Variants in CRACD observed in about 807,000 individuals in gnomAD.
The protein encoded by CRACD is capping protein-inhibiting regulator of actin dynamics.
CRACD carries 56 observed loss-of-function variants against 106.8 expected under a neutral mutation model. That is an observed-to-expected ratio of 0.52 (90% CI 0.42 to 0.66). The LOEUF (loss-of-function observed/expected upper bound fraction) is 0.66, where lower values mean the gene tolerates loss of function less well. Ranked by LOEUF, CRACD falls within the 30% of genes least tolerant of loss-of-function variation. The pLI, the probability that CRACD is intolerant of heterozygous loss-of-function variation, is 0.00. For missense variants in CRACD, 1,730 were observed against 1,623.2 expected, an observed-to-expected ratio of 1.07 and a Z score of -1.13; for synonymous variants, 754 against 670.8, an observed-to-expected ratio of 1.12 and a Z score of -1.92.
At chr4:56,076,298 G>A (rs1293544435) in intron 1 of CRACD, among the ~76,000 whole-genome samples, 1 of 152,166 alleles carries the variant, frequency 6.6e-6, no homozygotes, top group East Asian at 1.9e-4. Context: ...CATTTCTGTT[G>A]TTGAAGCTTC....
At chr4:56,290,563 A>G (rs1743646539) in intron 3 of CRACD, among the ~76,000 whole-genome samples, 1 of 152,212 alleles carries the variant, frequency 6.6e-6, no homozygotes, top group Admixed American at 6.5e-5. Context: ...AGATAACTGC[A>G]GGAGGCAGTG....
chr4:56,250,051 GC>G (rs1360223645), intron 2 of CRACD, among the ~76,000 whole-genome samples: 3 of 152,186 alleles, frequency 2.0e-5, no homozygotes, highest in Middle Eastern at 6.8e-3. Flanking sequence ...AATCTGAATT[GC>G]CCTGTAAAAT....
Position 56,327,667 on chromosome 4 carries a change from C to T in CRACD, c.3565C>T (p.Pro1189Ser), listed in dbSNP as rs1007904740. The T allele has an allele frequency of 9.3e-6, 15 of 1,607,082 alleles. 1 individual carries two copies. In the Admixed American group the frequency reaches 2.4e-4, roughly 25 times the overall value. ...VTVEISDSAP[P>S]APLVKEVTKR... ...AGTGGAGATCTCCGACTCGGCTCCC[C>T]CAGCGCCGCTGGTAAAAGAAGTCAC... The change falls in exon 11 of 11, where the codon CCA (proline) becomes TCA (serine). Residue 1189 changes from proline (P) to serine (S), a missense_variant. Physicochemically the swap from Pro to Ser is moderately conservative, Grantham distance 74. Transcript: ENST00000682029.
At chr4:56,304,536 G>A (rs1489159912) in intron 4 of CRACD, among the ~76,000 whole-genome samples, 3 of 152,048 alleles carry the variant, frequency 2.0e-5, no homozygotes, top group Non-Finnish European at 4.4e-5. Context: ...CCAGCACTTC[G>A]GGAGGCGGAG....
intron 1 of CRACD, among the ~76,000 whole-genome samples, chr4:56,106,326 G>C (rs897840663): frequency 2.0e-5 from 3 of 152,220 alleles, no homozygotes; most frequent in African/African-American, 7.2e-5. Flanking sequence ...GTAAACAACT[G>C]AAAGAGCACA....
At chr4:56,197,672 T>G (rs1737672193) in intron 2 of CRACD, among the ~76,000 whole-genome samples, 2 of 152,040 alleles carry the variant, frequency 1.3e-5, no homozygotes, top group Admixed American at 1.3e-4. Context: ...TATTTCCTTG[T>G]TGTGCAGGGT....
At chr4:56,202,552 A>G (rs1737933732) in intron 2 of CRACD, among the ~76,000 whole-genome samples, 1 of 152,152 alleles carries the variant, frequency 6.6e-6, no homozygotes, top group African/African-American at 2.4e-5. Context: ...CAGCATCAGC[A>G]ACATTCTTAA....
intron 1 of CRACD, among the ~76,000 whole-genome samples, chr4:56,137,371 G>A (rs964574519): frequency 3.9e-5 from 6 of 151,980 alleles, no homozygotes; most frequent in African/African-American, 7.3e-5. Context: ...ATTGTTATGC[G>A]GCTCATGAGT....
chr4:56,148,026 AG>A (rs1332107233), intron 1 of CRACD, among the ~76,000 whole-genome samples: 1 of 152,198 alleles, frequency 6.6e-6, no homozygotes. Flanking sequence ...CACAGGGAAA[AG>A]GCCATGTGAA....
chr4:56,214,671 CTCTCTCTCTCTA>C (rs1187687674), intron 2 of CRACD, among the ~76,000 whole-genome samples: 4 of 73,332 alleles, frequency 5.5e-5, no homozygotes, highest in Non-Finnish European at 1.1e-4. Context: ...CTCTCTCTCT[CTCTCTCTCTCTA>C]TATATATATA....
chr4:56,113,401 C>T (rs145344756), intron 1 of CRACD, among the ~76,000 whole-genome samples: 1 of 152,016 alleles, frequency 6.6e-6, no homozygotes, highest in Admixed American at 6.6e-5. Flanking sequence ...AGTCTTTTTC[C>T]TAGTTTGCAA....
At chr4:56,177,013 A>G (rs1013588060) in intron 1 of CRACD, among the ~76,000 whole-genome samples, 3 of 152,186 alleles carry the variant, frequency 2.0e-5, no homozygotes, top group South Asian at 2.1e-4. Context: ...AACAAGTACA[A>G]TTTGACTTCT....
chr4:56,106,164 A>AG (rs113389772), intron 1 of CRACD, among the ~76,000 whole-genome samples: 34,934 of 152,094 alleles, frequency 0.23, 4,722 homozygotes, highest in African/African-American at 0.36. Context: ...TGGATGAGGC[A>AG]ACTGTACTTG....
At chr4:56,241,860 C>T (rs552589051) in intron 2 of CRACD, among the ~76,000 whole-genome samples, 38 of 152,216 alleles carry the variant, frequency 2.5e-4, no homozygotes, top group African/African-American at 8.4e-4. Context: ...AACTGAAGGG[C>T]GTGTTCTATG....
intron 3 of CRACD, among the ~76,000 whole-genome samples, chr4:56,279,604 A>G (rs1742897869): frequency 6.6e-6 from 1 of 152,328 alleles, no homozygotes; most frequent in East Asian, 1.9e-4. Context: ...ATACCATCTC[A>G]CACCAGTTAG....
At chr4:56,266,168 G>T (rs967544609) in intron 2 of CRACD, among the ~76,000 whole-genome samples, 2 of 152,064 alleles carry the variant, frequency 1.3e-5, no homozygotes, top group Non-Finnish European at 2.9e-5. Context: ...AAGCAGTATA[G>T]ATGCATATGT....
chr4:56,211,741 A>C (rs1480780324), intron 2 of CRACD, among the ~76,000 whole-genome samples: 1 of 152,190 alleles, frequency 6.6e-6, no homozygotes, highest in Non-Finnish European at 1.5e-5. Flanking sequence ...ACAAAGGCAC[A>C]ACTAAATGTG....
At chr4:56,104,041 T>G (rs570897357) in intron 1 of CRACD, among the ~76,000 whole-genome samples, 1 of 152,330 alleles carries the variant, frequency 6.6e-6, no homozygotes, top group African/African-American at 2.4e-5. Flanking sequence ...CTCAAAGTGC[T>G]GAGATTATAG....
At chr4:56,119,171 GTT>G (rs1017299284) in intron 1 of CRACD, among the ~76,000 whole-genome samples, 2 of 152,178 alleles carry the variant, frequency 1.3e-5, no homozygotes, top group African/African-American at 2.4e-5. Flanking sequence ...ACACGGCAGA[GTT>G]AGAACTATCT....
Sources: allele counts gnomAD v4.1 joint callset (sites outside exome capture counted in the v4.1 genomes callset), GRCh38; gene constraint gnomAD v4.1.1; transcripts MANE v1.5; gene names NCBI Gene and HGNC (gene_info 2026-07-23, HGNC 2026-07-21).